CPB1: variants seen among roughly 807,000 people sequenced by gnomAD.
CPB1 encodes carboxypeptidase B1.
In CPB1, 53 loss-of-function variants were observed where a neutral mutation model predicts 51.4. The observed-to-expected ratio is 1.03, with a 90% CI of 0.83 to 1.30. CPB1 has a LOEUF of 1.30. Among genes scored for constraint, CPB1 ranks in the 50% most tolerant of loss-of-function variants. CPB1 has a pLI of 0.00. For missense variants in CPB1, 494 were observed against 516.2 expected, an observed-to-expected ratio of 0.96 and a Z score of 0.42; for synonymous variants, 189 against 186.9, an observed-to-expected ratio of 1.01 and a Z score of -0.09.
chr3:148,830,805 A>T (rs1712710916), intron 2 of CPB1, among the ~76,000 whole-genome samples: 1 of 152,196 alleles, frequency 6.6e-6, no homozygotes. Flanking sequence ...AAACAGTTAA[A>T]TAGGGCTTCT....
chr3:148,835,777 T>C (rs1712888062), intron 3 of CPB1, among the ~76,000 whole-genome samples: 1 of 151,780 alleles, frequency 6.6e-6, no homozygotes, highest in South Asian at 2.1e-4. Flanking sequence ...GTAGCCTATA[T>C]AATTTTAACA....
chr3:148,834,587 G>A lies in CPB1; in HGVS notation c.237G>A (p.Val79=), dbSNP rs745517817. ...FRVKAEDTVT[V]ENVLKQNELQ... is the part of the protein sequence containing the mutation. ...TTAAAGCAGAAGATACTGTCACTGTGGAGAATGTTCTAAAGCAGAATGAAC... is the reference window on the plus strand; with the variant it reads ...TTAAAGCAGAAGATACTGTCACTGTAGAGAATGTTCTAAAGCAGAATGAAC... The change falls in exon 3 of 11, where the codon GTG becomes GTA. Residue 79 remains valine (V), a synonymous_variant. Transcript: ENST00000282957. The A allele has an allele frequency of 6.2e-7, 1 of 1,612,744 alleles. No individual in the cohort carries two copies.
intron 6 of CPB1, 78 bp from the exon 7 acceptor site, chr3:148,844,400 A>T: frequency 9.6e-7 from 1 of 1,046,826 alleles, no homozygotes; most frequent in Non-Finnish European, 1.5e-6. Context: ...CAAAGTTAAC[A>T]TTCAACAGTC....
intron 2 of CPB1, among the ~76,000 whole-genome samples, chr3:148,833,778 C>T (rs138449510): frequency 2.3e-3 from 348 of 152,002 alleles, no homozygotes; most frequent in Non-Finnish European, 3.9e-3. Flanking sequence ...TTCATCTTCT[C>T]TAATGTCTCC....
intron 6 of CPB1, among the ~76,000 whole-genome samples, chr3:148,842,656 A>G (rs2108015556): frequency 6.6e-6 from 1 of 152,364 alleles, no homozygotes; most frequent in South Asian, 2.1e-4. Flanking sequence ...TAATCATGTC[A>G]GGCAAATCCA....
intron 10 of CPB1, among the ~76,000 whole-genome samples, chr3:148,858,213 T>G (rs748700418): frequency 6.6e-6 from 1 of 152,126 alleles, no homozygotes; most frequent in Non-Finnish European, 1.5e-5. Context: ...GTATCAGAAT[T>G]AACTTCCCAA....
At chr3:148,847,108 C>T (rs1014122607) in intron 9 of CPB1, among the ~76,000 whole-genome samples, 1 of 150,202 alleles carries the variant, frequency 6.7e-6, no homozygotes, top group Non-Finnish European at 1.5e-5. Flanking sequence ...AATTACAAAA[C>T]ACATTAAGGG....
intron 6 of CPB1, among the ~76,000 whole-genome samples, chr3:148,842,543 TAAAAG>T (rs1188725035): frequency 6.6e-6 from 1 of 152,124 alleles, no homozygotes; most frequent in African/African-American, 2.4e-5. Flanking sequence ...ATGCAATAAA[TAAAAG>T]AGAGGCAAAG....
intron 3 of CPB1, among the ~76,000 whole-genome samples, chr3:148,835,641 T>C (rs1712882761): frequency 6.6e-6 from 1 of 152,066 alleles, no homozygotes; most frequent in African/African-American, 2.4e-5. Context: ...AAAGCAGAGG[T>C]CCTCCTCCAG....
At chr3:148,853,074 G>A (rs1395802636) in intron 9 of CPB1, among the ~76,000 whole-genome samples, 2 of 152,154 alleles carry the variant, frequency 1.3e-5, no homozygotes, top group African/African-American at 2.4e-5. Flanking sequence ...CAGAAGGAAG[G>A]AAACTGCAGT....
At chr3:148,851,245 A>T (rs909860286) in intron 9 of CPB1, 1 of 151,294 alleles carries the variant, frequency 6.6e-6, no homozygotes, top group Non-Finnish European at 1.5e-5. Flanking sequence ...GAGGCATGAG[A>T]ATCCATTTGA....
intron 9 of CPB1, among the ~76,000 whole-genome samples, chr3:148,848,085 A>T (rs2108018370): frequency 6.6e-6 from 1 of 152,216 alleles, no homozygotes; most frequent in Non-Finnish European, 1.5e-5. Flanking sequence ...GTAGCTGGAG[A>T]TCCTTCCAAC....
intron 9 of CPB1, among the ~76,000 whole-genome samples, chr3:148,850,597 A>C (rs140277399): frequency 7.9e-4 from 121 of 152,334 alleles, no homozygotes; most frequent in African/African-American, 2.8e-3. Flanking sequence ...TCTTAATTGA[A>C]GTTTTAATTA....
rs1211062364 is a variant in CPB1, at chr3:148,841,820, T to C, written c.475-3T>C. On this transcript the variant is annotated splice_region_variant and splice_polypyrimidine_tract_variant and intron_variant, in intron 5 of 10. Coordinates refer to ENST00000282957, the MANE Select transcript of CPB1 (RefSeq NM_001871.3). ...GTTTCCCTTTTCCTTTTGTTTGCAA[T>C]AGGTTGGCAAAGCTGGACAAAATAA... 1.2e-6 allele frequency: 2 copies of C among 1,612,718 alleles called. No homozygotes were observed. The highest frequency in any genetic ancestry group is 1.1e-5 in the South Asian group (1 of 90,996).
chr3:148,839,238 C>T (rs990226870), intron 3 of CPB1, among the ~76,000 whole-genome samples: 13 of 152,100 alleles, frequency 8.5e-5, no homozygotes, highest in African/African-American at 2.7e-4. Flanking sequence ...GGAATGCAGG[C>T]GACCTCTCAG....
At chr3:148,837,712 T>C (rs1411690369) in intron 3 of CPB1, among the ~76,000 whole-genome samples, 1 of 151,562 alleles carries the variant, frequency 6.6e-6, no homozygotes, top group African/African-American at 2.4e-5. Flanking sequence ...TTGAGGTCAG[T>C]CCCCCGCCTT....
chr3:148,844,883 C>A, intron 8 of CPB1, 116 bp downstream of exon 8: 1 of 919,508 alleles, frequency 1.1e-6, no homozygotes, highest in Non-Finnish European at 1.6e-6. Context: ...AAAGTTCTAA[C>A]CTTCTAAAAG....
At chr3:148,857,576 T>C (rs778404593) in intron 10 of CPB1, 35 bp downstream of exon 10, 14 of 1,552,570 alleles carry the variant, frequency 9.0e-6, no homozygotes, top group Admixed American at 8.6e-5. Context: ...CAAAGAACCA[T>C]GTGCCTAAAA....
chr3:148,854,130 G>A (rs1466021400), intron 9 of CPB1: 1 of 147,880 alleles, frequency 6.8e-6, no homozygotes, highest in African/African-American at 2.7e-5. Context: ...CTAAATTGTA[G>A]CAAATGCAAG....
Sources: gnomAD v4.1 joint callset for allele counts (sites outside exome capture counted in the v4.1 genomes callset) on GRCh38, gnomAD v4.1.1 for gene constraint, MANE v1.5 for transcripts, NCBI Gene and HGNC (gene_info 2026-07-23, HGNC 2026-07-21) for gene names.